The following EIPR1 variants were observed in gnomAD, a reference collection of about 807,000 sequenced individuals.
The protein encoded by EIPR1 is EARP complex and GARP complex interacting protein 1.
A neutral mutation model predicts 48.1 loss-of-function variants in EIPR1; 25 were observed. The ratio of observed to expected loss-of-function variants is 0.52; its 90% CI spans 0.38 to 0.73. The LOEUF (loss-of-function observed/expected upper bound fraction) is 0.73, where lower values mean the gene tolerates loss of function less well. Among genes scored for constraint, EIPR1 ranks in the 30% least tolerant of loss-of-function variants. EIPR1 has a pLI of 0.00. For synonymous variants in EIPR1, 204 were observed against 201.9 expected, an observed-to-expected ratio of 1.01 and a Z score of -0.09; for missense variants, 415 against 506.2, an observed-to-expected ratio of 0.82 and a Z score of 1.73.
intron 3 of EIPR1, among the ~76,000 whole-genome samples, chr2:3,317,474 G>T (rs1254670474): frequency 6.6e-6 from 1 of 152,222 alleles, no homozygotes; most frequent in African/African-American, 2.4e-5. Flanking sequence ...GGCCTACTGT[G>T]TGCCTCACAT....
At chr2:3,362,929 A>G (rs1670886414) in intron 1 of EIPR1, among the ~76,000 whole-genome samples, 1 of 152,148 alleles carries the variant, frequency 6.6e-6, no homozygotes, top group Admixed American at 6.5e-5. Context: ...CTTCCCATAC[A>G]CATGGTAGGA....
At chr2:3,364,911 G>C (rs2103386817) in intron 1 of EIPR1, among the ~76,000 whole-genome samples, 1 of 152,146 alleles carries the variant, frequency 6.6e-6, no homozygotes, top group South Asian at 2.1e-4. Context: ...CATAGTGTTT[G>C]GTATATCAGC....
intron 3 of EIPR1, among the ~76,000 whole-genome samples, chr2:3,314,117 G>A (rs185784267): frequency 1.4e-4 from 21 of 152,310 alleles, no homozygotes; most frequent in African/African-American, 4.8e-4. Flanking sequence ...GGGGCGCCGC[G>A]CTGGCAGCTT....
chr2:3,334,497 T>C (rs1044918347), intron 3 of EIPR1, among the ~76,000 whole-genome samples: 1 of 152,238 alleles, frequency 6.6e-6, no homozygotes, highest in Non-Finnish European at 1.5e-5. Context: ...GACTCCAGGC[T>C]TTTCCGGAGG....
chr2:3,203,673 G>A (rs571546228), intron 5 of EIPR1, among the ~76,000 whole-genome samples: 53 of 152,364 alleles, frequency 3.5e-4, no homozygotes, highest in African/African-American at 9.6e-4. Flanking sequence ...CCTCGGACTT[G>A]GTGGCCTATG....
chr2:3,242,196 G>A (rs1666652360), intron 4 of EIPR1, among the ~76,000 whole-genome samples: 1 of 146,658 alleles, frequency 6.8e-6, no homozygotes, highest in Non-Finnish European at 1.6e-5. Flanking sequence ...AGCAGCCACT[G>A]ACGGCTGGAA....
chr2:3,248,633 G>T (rs1666914275), intron 4 of EIPR1, among the ~76,000 whole-genome samples: 1 of 152,142 alleles, frequency 6.6e-6, no homozygotes, highest in South Asian at 2.1e-4. Context: ...GGGCGTGATG[G>T]TGGGCACCTG....
chr2:3,257,280 G>C lies in EIPR1; in HGVS notation c.416+19C>G. The stretch of plus-strand genomic sequence containing the variant: ...ACCTGCAGGCTCGTTCTGGGCGCAT[G>C]AAATATGCAAAATCCTACCAGGCCA... On this transcript the variant is annotated intron_variant, in intron 4 of 8. Coordinates refer to ENST00000382125, the MANE Select transcript of EIPR1 (RefSeq NM_003310.5). 6.2e-7 allele frequency: 1 copy of C among 1,607,994 alleles called. No individual in the cohort carries two copies. Among genetic ancestry groups the C allele is most frequent in the East Asian group, 2.2e-5 (1 of 44,660 alleles).
chr2:3,318,006 C>T (rs904306997), intron 3 of EIPR1, among the ~76,000 whole-genome samples: 4 of 152,242 alleles, frequency 2.6e-5, no homozygotes, highest in South Asian at 2.1e-4. Context: ...ACCTGCCTAA[C>T]GGGATGCACA....
chr2:3,253,592 G>A (rs535806737), intron 4 of EIPR1, among the ~76,000 whole-genome samples: 9 of 152,306 alleles, frequency 5.9e-5, no homozygotes, highest in East Asian at 1.9e-4. Context: ...GGGTGAGGAC[G>A]AGAAACCGGA....
chr2:3,208,815 G>A, intron 5 of EIPR1: 1 of 1,550,134 alleles, frequency 6.5e-7, no homozygotes, highest in Middle Eastern at 1.7e-4. Context: ...TTCTGTGAGT[G>A]AGGCCCGTGG....
intron 1 of EIPR1, among the ~76,000 whole-genome samples, chr2:3,357,456 A>T (rs977698574): frequency 2.0e-5 from 3 of 152,234 alleles, no homozygotes. Flanking sequence ...TGGATGAAAC[A>T]TAACCTACCT....
At chr2:3,287,527 C>T (rs572288096) in intron 3 of EIPR1, among the ~76,000 whole-genome samples, 24 of 151,582 alleles carry the variant, frequency 1.6e-4, no homozygotes, top group Admixed American at 3.9e-4. Context: ...TTGTTCACCA[C>T]GCTCCAGAAA....
chr2:3,375,798 G>A (rs1558327353), intron 1 of EIPR1, among the ~76,000 whole-genome samples: 2 of 152,204 alleles, frequency 1.3e-5, no homozygotes, highest in Non-Finnish European at 2.9e-5. Context: ...AATGATTGCT[G>A]TGAGAATTAA....
At chr2:3,257,635 C>A in intron 3 of EIPR1, 180 bp from the exon 4 acceptor site, 1 of 587,096 alleles carries the variant, frequency 1.7e-6, no homozygotes, top group South Asian at 3.0e-5. Context: ...GCAGGCAGAA[C>A]CCGGCACGGT....
chr2:3,365,372 T>C (rs1035813418), intron 1 of EIPR1, among the ~76,000 whole-genome samples: 2 of 152,054 alleles, frequency 1.3e-5, no homozygotes, highest in Admixed American at 6.6e-5. Context: ...CTTGGGAGGC[T>C]GAAGCCGGGA....
intron 1 of EIPR1, among the ~76,000 whole-genome samples, chr2:3,360,485 G>A (rs1034805195): frequency 1.8e-4 from 28 of 152,246 alleles, no homozygotes; most frequent in African/African-American, 6.5e-4. Flanking sequence ...CCACCACCCT[G>A]TAGGGAACCA....
intron 2 of EIPR1, among the ~76,000 whole-genome samples, chr2:3,350,959 A>C (rs980969796): frequency 1.3e-5 from 2 of 151,254 alleles, no homozygotes; most frequent in African/African-American, 4.8e-5. Flanking sequence ...AAAAAAAAAA[A>C]AAACAAATTA....
At chr2:3,325,832 G>GA (rs1237801089) in intron 3 of EIPR1, among the ~76,000 whole-genome samples, 1 of 152,234 alleles carries the variant, frequency 6.6e-6, no homozygotes, top group Non-Finnish European at 1.5e-5. Context: ...TAACACTACA[G>GA]AAAGACGCAC....
Sources: gnomAD v4.1 joint callset for allele counts (sites outside exome capture counted in the v4.1 genomes callset) on GRCh38, gnomAD v4.1.1 for gene constraint, MANE v1.5 for transcripts, NCBI Gene and HGNC (gene_info 2026-07-23, HGNC 2026-07-21) for gene names.